Variants in GRM1 observed in about 807,000 individuals in gnomAD.
The protein encoded by GRM1 is glutamate metabotropic receptor 1.
A neutral mutation model predicts 90.9 loss-of-function variants in GRM1; 33 were observed. The ratio of observed to expected loss-of-function variants is 0.36; its 90% CI spans 0.28 to 0.49. GRM1 has a LOEUF of 0.49. Ranked by LOEUF, GRM1 falls within the 20% of genes least tolerant of loss-of-function variation. GRM1 has a pLI of 0.99. For synonymous variants in GRM1, 700 were observed against 613.2 expected (o/e 1.14, Z -2.09); for missense variants, 1,190 against 1,534.3 (o/e 0.78, Z 3.75).
At chr6:146,349,243 T>A (rs987960389) in intron 3 of GRM1, among the ~76,000 whole-genome samples, 20 of 107,148 alleles carry the variant, frequency 1.9e-4, no homozygotes, top group Admixed American at 7.2e-4. Flanking sequence ...TTTTTTTTTT[T>A]TTATTTTTTT....
At chr6:146,313,570 G>T (rs1444715053) in intron 3 of GRM1, among the ~76,000 whole-genome samples, 2 of 152,064 alleles carry the variant, frequency 1.3e-5, no homozygotes, top group Non-Finnish European at 2.9e-5. Context: ...ATTTGCTGCT[G>T]GGAAAATTCA....
At chr6:146,168,781 A>G (rs551948231) in intron 2 of GRM1, among the ~76,000 whole-genome samples, 1 of 152,176 alleles carries the variant, frequency 6.6e-6, no homozygotes, top group Non-Finnish European at 1.5e-5. Flanking sequence ...ACTTAATTAT[A>G]CTTTGACTTG....
intron 6 of GRM1, among the ~76,000 whole-genome samples, chr6:146,388,756 ATT>A (rs1776600942): frequency 6.6e-6 from 1 of 152,052 alleles, no homozygotes; most frequent in African/African-American, 2.4e-5. Context: ...TCCTGATGCA[ATT>A]ACTCTCTGTC....
chr6:146,185,188 T>A (rs976408410), intron 2 of GRM1, among the ~76,000 whole-genome samples: 12 of 152,346 alleles, frequency 7.9e-5, no homozygotes, highest in African/African-American at 2.9e-4. Context: ...TATAACCCTT[T>A]TTGATCTGAA....
chr6:146,216,998 A>AGACTCCATTAGT (rs1290857891), intron 2 of GRM1, among the ~76,000 whole-genome samples: 6 of 152,206 alleles, frequency 3.9e-5, no homozygotes, highest in African/African-American at 7.2e-5. Flanking sequence ...TTATTTATTG[A>AGACTCCATTAGT]GACTCCATTA....
chr6:146,216,081 A>G (rs754323395), intron 2 of GRM1, among the ~76,000 whole-genome samples: 7 of 152,202 alleles, frequency 4.6e-5, no homozygotes, highest in African/African-American at 7.2e-5. Context: ...AATACTGTAT[A>G]TTCTAGAAAA....
At chr6:146,262,617 A>T (rs1240786825) in intron 2 of GRM1, among the ~76,000 whole-genome samples, 1 of 151,996 alleles carries the variant, frequency 6.6e-6, no homozygotes, top group Admixed American at 6.6e-5. Flanking sequence ...ACATGTATAT[A>T]TTATATTTTC....
intron 1 of GRM1, among the ~76,000 whole-genome samples, chr6:146,041,571 G>C (rs1338841556): frequency 6.6e-6 from 1 of 151,936 alleles, no homozygotes; most frequent in Non-Finnish European, 1.5e-5. Flanking sequence ...TTTCTCTGCT[G>C]TTTGGGAGGC....
chr6:146,268,013 A>G (rs1050357033), intron 2 of GRM1, among the ~76,000 whole-genome samples: 4 of 152,148 alleles, frequency 2.6e-5, no homozygotes, highest in Admixed American at 1.3e-4. Flanking sequence ...GAATTGGCAC[A>G]CTGTCTTCCT....
At chr6:146,126,612 A>G (rs958495851) in intron 1 of GRM1, among the ~76,000 whole-genome samples, 1 of 152,144 alleles carries the variant, frequency 6.6e-6, no homozygotes, top group Non-Finnish European at 1.5e-5. Context: ...ATTCTTCTAA[A>G]TAGTCTCATT....
chr6:146,305,286 T>G (rs543770149), intron 3 of GRM1, among the ~76,000 whole-genome samples: 1 of 152,076 alleles, frequency 6.6e-6, no homozygotes, highest in African/African-American at 2.4e-5. Context: ...CCAACAAAAG[T>G]GTTTGTGGGC....
intron 2 of GRM1, among the ~76,000 whole-genome samples, chr6:146,257,363 T>C (rs944104851): frequency 6.6e-6 from 1 of 152,104 alleles, no homozygotes; most frequent in African/African-American, 2.4e-5. Context: ...CTGTAGTTAA[T>C]GAGTGCTCAT....
At chr6:146,284,365 A>G (rs1782684439) in intron 2 of GRM1, among the ~76,000 whole-genome samples, 1 of 152,230 alleles carries the variant, frequency 6.6e-6, no homozygotes, top group African/African-American at 2.4e-5. Context: ...ATCTACATAC[A>G]TATATATTAA....
At chr6:146,396,692 A>G (rs1776950817) in intron 6 of GRM1, among the ~76,000 whole-genome samples, 1 of 152,210 alleles carries the variant, frequency 6.6e-6, no homozygotes, top group African/African-American at 2.4e-5. Context: ...GTATGTATGT[A>G]AATAACAGCA....
chr6:146,104,057 A>G (rs1777139563), intron 1 of GRM1, among the ~76,000 whole-genome samples: 1 of 152,148 alleles, frequency 6.6e-6, no homozygotes, highest in African/African-American at 2.4e-5. Context: ...TCTGGGGAGA[A>G]GCAAAGAGCT....
At chr6:146,282,627 G>C (rs1782613542) in intron 2 of GRM1, among the ~76,000 whole-genome samples, 1 of 151,756 alleles carries the variant, frequency 6.6e-6, no homozygotes, top group Non-Finnish European at 1.5e-5. Flanking sequence ...AATATTTATT[G>C]AGTCAAATGC....
chr6:146,425,117 C>T (rs1033935344), intron 7 of GRM1, among the ~76,000 whole-genome samples: 16 of 152,120 alleles, frequency 1.1e-4, no homozygotes, highest in African/African-American at 3.4e-4. Flanking sequence ...AAATTACTCT[C>T]GGTAAATCAT....
chr6:146,076,048 A>T (rs1185938683), intron 1 of GRM1, among the ~76,000 whole-genome samples: 2 of 152,230 alleles, frequency 1.3e-5, no homozygotes, highest in Non-Finnish European at 2.9e-5. Context: ...GACAAAGTTC[A>T]ATCTATAACT....
chr6:146,259,962 ATATATATATATT>A (rs1379240114), intron 2 of GRM1, among the ~76,000 whole-genome samples: 1 of 148,298 alleles, frequency 6.7e-6, no homozygotes, highest in African/African-American at 2.4e-5. Context: ...ACTTATTTAT[ATATATATATATT>A]TATATATATA....
Sources: allele counts gnomAD v4.1 joint callset (sites outside exome capture counted in the v4.1 genomes callset), GRCh38; gene constraint gnomAD v4.1.1; transcripts MANE v1.5; gene names NCBI Gene and HGNC (gene_info 2026-07-23, HGNC 2026-07-21).